The following ME2 variants were observed in gnomAD, a reference collection of about 807,000 sequenced individuals.
The protein encoded by ME2 is NAD-dependent malic enzyme, mitochondrial.
Under a neutral mutation model 73.7 loss-of-function variants are expected in ME2, and 60 were observed. That is an observed-to-expected ratio of 0.81 (90% CI 0.66 to 1.01). ME2 has a LOEUF of 1.01. Ranked by LOEUF, ME2 falls within the 50% of genes least tolerant of loss-of-function variation. The probability of loss-of-function intolerance (pLI) is 0.00; values close to 1 mark genes in which losing one functional copy is unlikely to be tolerated. For missense variants in ME2, 594 were observed against 705.5 expected (o/e 0.84, Z 1.79); for synonymous variants, 199 against 236.9 (o/e 0.84, Z 1.47).
chr18:50,879,941 G>A (rs1315614406), intron 1 of ME2, among the ~76,000 whole-genome samples: 2 of 152,222 alleles, frequency 1.3e-5, no homozygotes, highest in East Asian at 3.9e-4. Flanking sequence ...TTTCTTTTTT[G>A]GTTCCAGAGA....
At chr18:50,908,389 A>C (rs1185405267) in intron 3 of ME2, among the ~76,000 whole-genome samples, 193 bp downstream of exon 3, 1 of 152,176 alleles carries the variant, frequency 6.6e-6, no homozygotes, top group Non-Finnish European at 1.5e-5. Flanking sequence ...GTAAAACTTA[A>C]CAAATTAGTT....
At chr18:50,941,275 AAAAAAG>A (rs1917948493) in intron 15 of ME2, among the ~76,000 whole-genome samples, 2 of 150,410 alleles carry the variant, frequency 1.3e-5, no homozygotes, top group African/African-American at 4.9e-5. Flanking sequence ...AAAAAAAAAA[AAAAAAG>A]AAAGAAAGAA....
At chr18:50,913,441 C>CT (rs1246559681) in intron 4 of ME2, among the ~76,000 whole-genome samples, 1 of 152,074 alleles carries the variant, frequency 6.6e-6, no homozygotes, top group Non-Finnish European at 1.5e-5. Flanking sequence ...TCAAGTAATT[C>CT]TTGTGCCTCA....
chr18:50,883,062 A>G (rs1040809181), intron 1 of ME2, among the ~76,000 whole-genome samples: 1 of 152,222 alleles, frequency 6.6e-6, no homozygotes, highest in African/African-American at 2.4e-5. Context: ...CAACATAAAA[A>G]CAGAATAAAT....
At position 50,947,028 on chromosome 18, in the gene ME2, C is replaced by A; in HGVS notation, c.1599C>A (p.Tyr533Ter). The change falls in exon 16 of 16, where the codon TAC becomes TAA. Residue 533 changes from tyrosine (Y) to a stop codon, truncating the protein, a stop_gained. Coordinates refer to ENST00000321341, the MANE Select transcript of ME2 (RefSeq NM_002396.5). LOFTEE classifies it high-confidence loss of function. Reference protein sequence around the residue: ...SINIAIKVTEYLYANKMAFRY... With the variant: ...SINIAIKVTE ...TACTTATTTTTCAGGTTACAGAATA[C>A]CTATATGCTAATAAAATGGCTTTCC... 6.2e-7 allele frequency: 1 copy of A among 1,612,416 alleles called. No homozygotes were observed. The highest frequency in any genetic ancestry group is 8.5e-7 in the Non-Finnish European group (1 of 1,178,530).
At chr18:50,912,150 A>G (rs919450422) in intron 3 of ME2, among the ~76,000 whole-genome samples, 4 of 152,198 alleles carry the variant, frequency 2.6e-5, no homozygotes, top group African/African-American at 7.2e-5. Flanking sequence ...CAGGGGAAAG[A>G]TAAGTCTGCT....
At chr18:50,916,073 GA>G (rs2144229986) in intron 4 of ME2, 94 bp from the exon 5 acceptor site, 3 of 853,060 alleles carry the variant, frequency 3.5e-6, no homozygotes, top group Non-Finnish European at 5.6e-6. Context: ...ACCATGTCTT[GA>G]TATTTTATTA....
At chr18:50,905,327 A>G (rs1162401926) in intron 2 of ME2, among the ~76,000 whole-genome samples, 4 of 152,136 alleles carry the variant, frequency 2.6e-5, no homozygotes, top group African/African-American at 9.7e-5. Flanking sequence ...CTTAGACTAG[A>G]TAATCTTGGG....
Position 50,951,269 on chromosome 18 carries a change from A to T in ME2, c.*4085A>T, listed in dbSNP as rs1471061436. On this transcript the variant is annotated 3_prime_UTR_variant, in exon 16 of 16. Transcript: ENST00000321341. ...TTTACATTTTTGCAAATGAGTTGCCAATGAATTAAGATCAAAACGTCATTA... is the reference window on the plus strand; with the variant it reads ...TTTACATTTTTGCAAATGAGTTGCCTATGAATTAAGATCAAAACGTCATTA... 6.6e-6 allele frequency: 1 copy of T among 152,194 alleles called. No homozygotes were observed. Among genetic ancestry groups the T allele is most frequent in the African/African-American group, 2.4e-5 (1 of 41,450 alleles). The allele number at this position is 152,194 out of a possible 1,614,324, so 9.4% of individuals were successfully genotyped here.
At chr18:50,913,635 G>T (rs1185769124) in intron 4 of ME2, among the ~76,000 whole-genome samples, 1 of 151,874 alleles carries the variant, frequency 6.6e-6, no homozygotes, top group Non-Finnish European at 1.5e-5. Context: ...CATCTGGCCT[G>T]TTCTCCTTTT....
chr18:50,934,668 T>C (rs1917774420), intron 13 of ME2: 1 of 151,888 alleles, frequency 6.6e-6, no homozygotes, highest in African/African-American at 2.4e-5. Flanking sequence ...TAAAATGACC[T>C]GGCATTTGAG....
intron 2 of ME2, among the ~76,000 whole-genome samples, chr18:50,907,285 G>C (rs142109204): frequency 1.3e-5 from 2 of 152,168 alleles, no homozygotes; most frequent in East Asian, 3.9e-4. Flanking sequence ...CATAGTAATT[G>C]TGAGGTGTTA....
rs1918160814 is a variant in ME2 at position 50,949,015 on chromosome 18, T to A, written c.*1831T>A. The A allele has an allele frequency of 6.6e-6, 1 of 151,850 alleles. No individual in the cohort carries two copies. The highest frequency in any genetic ancestry group is 1.5e-5 in the Non-Finnish European group (1 of 68,042). 9.4% of individuals were successfully genotyped at this position (151,850 alleles called of 1,614,324 possible). On this transcript the variant is annotated 3_prime_UTR_variant, in exon 16 of 16. Transcript: ENST00000321341. ...CCACCACACCCAGCTAATTTTTGTA[T>A]TTTTAGTAGAGATGGGGTTTCACCA...
intron 1 of ME2, among the ~76,000 whole-genome samples, chr18:50,884,842 TTGTGTG>T (rs10599201): frequency 2.9e-4 from 43 of 150,088 alleles, no homozygotes; most frequent in East Asian, 9.9e-4. Flanking sequence ...TTGTGTGTGT[TTGTGTG>T]TGTGTGTGTG....
At chr18:50,885,712 A>G (rs1234790273) in intron 1 of ME2, among the ~76,000 whole-genome samples, 1 of 152,044 alleles carries the variant, frequency 6.6e-6, no homozygotes, top group Non-Finnish European at 1.5e-5. Flanking sequence ...AATTAACATT[A>G]TTATTCATAT....
Position 50,925,889 on chromosome 18 carries a change from A to G in ME2, c.1305A>G (p.Thr435=), listed in dbSNP as rs1357335125. 6.2e-7 allele frequency: 1 copy of G among 1,605,156 alleles called. No homozygotes were observed. Among genetic ancestry groups the G allele is most frequent in the African/African-American group, 1.3e-5 (1 of 74,716 alleles). ...QAECTAEEAY[T]LTEGRCLFAS... is the part of the protein sequence containing the mutation. ...AGTGCACGGCTGAAGAAGCATATAC[A>G]CTTACAGAGGTATTAATAATCACAT... Residue 435 remains threonine, a synonymous_variant, in exon 12 of 16, where the codon ACA becomes ACG. Coordinates refer to ENST00000321341, the MANE Select transcript of ME2 (RefSeq NM_002396.5).
chr18:50,884,196 C>T (rs1916399679), intron 1 of ME2, among the ~76,000 whole-genome samples: 1 of 151,978 alleles, frequency 6.6e-6, no homozygotes, highest in East Asian at 1.9e-4. Flanking sequence ...CTATCACTTG[C>T]TAATAAAATT....
chr18:50,939,286 G>C (rs944837573), intron 13 of ME2: 7 of 269,276 alleles, frequency 2.6e-5, no homozygotes, highest in South Asian at 1.2e-4. Context: ...CTGGGAACTG[G>C]AGTTAAAACA....
intron 13 of ME2, chr18:50,935,387 C>CA (rs1599122366): frequency 6.6e-6 from 1 of 151,810 alleles, no homozygotes; most frequent in African/African-American, 2.4e-5. Context: ...AGATAAAAGC[C>CA]AATCTTAAAA....
Sources: gnomAD v4.1 joint callset for allele counts (sites outside exome capture counted in the v4.1 genomes callset) on GRCh38, gnomAD v4.1.1 for gene constraint, MANE v1.5 for transcripts, NCBI Gene and HGNC (gene_info 2026-07-23, HGNC 2026-07-21) for gene names.